Variants in EFCC1 observed in about 807,000 individuals in gnomAD.
EFCC1 encodes EF-hand and coiled-coil domain-containing protein 1.
In EFCC1, 50 loss-of-function variants were observed where a neutral mutation model predicts 52.1. The observed-to-expected ratio is 0.96, with a 90% CI of 0.76 to 1.21. The LOEUF is 1.21. Among genes scored for constraint, EFCC1 ranks in the 50% most tolerant of loss-of-function variants. The pLI, the probability that EFCC1 is intolerant of heterozygous loss-of-function variation, is 0.00. For synonymous variants in EFCC1, 399 were observed against 396.5 expected, an observed-to-expected ratio of 1.01 and a Z score of -0.08; for missense variants, 837 against 867.3, an observed-to-expected ratio of 0.97 and a Z score of 0.44.
intron 2 of EFCC1, among the ~76,000 whole-genome samples, chr3:129,018,636 T>C (rs1344494298): frequency 6.6e-6 from 1 of 152,142 alleles, no homozygotes; most frequent in African/African-American, 2.4e-5. Flanking sequence ...TGACCAGCAA[T>C]TCCAACCTTG....
At chr3:129,021,005 T>A (rs1469677905) in intron 2 of EFCC1, among the ~76,000 whole-genome samples, 1 of 152,172 alleles carries the variant, frequency 6.6e-6, no homozygotes, top group Non-Finnish European at 1.5e-5. Flanking sequence ...ACAGGGCATC[T>A]CCTTGGGAGC....
chr3:129,033,083 C>G, intron 4 of EFCC1, 117 bp downstream of exon 4: 1 of 1,367,574 alleles, frequency 7.3e-7, no homozygotes, highest in African/African-American at 1.5e-5. Context: ...AGCCCCTCTG[C>G]GACTCTGTCC....
intron 1 of EFCC1, 83 bp downstream of exon 1, chr3:129,002,407 G>C: frequency 6.9e-7 from 1 of 1,442,256 alleles, no homozygotes. Flanking sequence ...AGCCCGACAG[G>C]ACAGAGTCAG....
At position 129,001,600 on chromosome 3, in the gene EFCC1, A is replaced by ACGT. The variant is rs1178341835; in HGVS notation, c.-28_-27insGTC. 4.4e-6 allele frequency: 6 copies of ACGT among 1,354,292 alleles called. No individual in the cohort carries two copies. The East Asian group carries it at 1.8e-4, about 41-fold the overall frequency. The allele number at this position is 1,354,292 out of a possible 1,614,324, so 83.9% of individuals were successfully genotyped here. On this transcript the variant is annotated 5_prime_UTR_variant, in exon 1 of 8. Transcript: ENST00000683648. ...GCGGGGCGAAGGGACCGGAGGAGGG[A>ACGT]CCGGAGGAGCGAGGCGCGCGGCGCA...
At chr3:129,025,055 G>C (rs1012046852) in intron 2 of EFCC1, among the ~76,000 whole-genome samples, 3 of 152,150 alleles carry the variant, frequency 2.0e-5, no homozygotes, top group African/African-American at 7.2e-5. Flanking sequence ...GGTGGCATGA[G>C]AGGCTGTGAG....
Position 129,003,927 on chromosome 3 carries a change from GC to G in EFCC1, c.832del (p.Gln278ArgfsTer61). ...GCCCGCGCTGGGCGGCTGCGCCGTG[GC>G]CAGGCCGAGGTGCGGCGGCGCGCGG... ...AEARAGRLRR[G>X]QAEVRRRAEE... On this transcript the variant is annotated frameshift_variant, in exon 2 of 8. Transcript: ENST00000683648. LOFTEE classifies it high-confidence loss of function. 7.3e-7 allele frequency: 1 copy of G among 1,374,732 alleles called. No homozygotes were observed. Among genetic ancestry groups the G allele is most frequent in the Admixed American group, 3.3e-5 (1 of 30,386 alleles). 85.2% of individuals were successfully genotyped at this position (1,374,732 alleles called of 1,614,324 possible).
At position 129,003,941 on chromosome 3, in the gene EFCC1, C is replaced by CGGCGGCGCGCGGAGGA. The variant is rs1944932660; in HGVS notation, c.848_863dup (p.Arg289AlafsTer65). On this transcript the variant is annotated frameshift_variant, in exon 2 of 8. Coordinates refer to ENST00000683648, the MANE Select transcript of EFCC1 (RefSeq NM_001377500.1). LOFTEE classifies it high-confidence loss of function. ...GCTGCGCCGTGGCCAGGCCGAGGTG[C>CGGCGGCGCGCGGAGGA]GGCGGCGCGCGGAGGAGGCCCGGCA... 7.1e-7 allele frequency: 1 copy of CGGCGGCGCGCGGAGGA among 1,402,198 alleles called. No homozygotes were observed. Among genetic ancestry groups the CGGCGGCGCGCGGAGGA allele is most frequent in the Non-Finnish European group, 9.2e-7 (1 of 1,082,054 alleles). 86.9% of individuals were successfully genotyped at this position (1,402,198 alleles called of 1,614,324 possible).
chr3:129,031,795 TCTCAA>T (rs1369794952), intron 3 of EFCC1, among the ~76,000 whole-genome samples: 1 of 152,196 alleles, frequency 6.6e-6, no homozygotes, highest in Non-Finnish European at 1.5e-5. Flanking sequence ...GGCCTGGTCC[TCTCAA>T]CTCCCAAGCC....
At chr3:129,038,391 C>G (rs1447518607) in intron 6 of EFCC1, among the ~76,000 whole-genome samples, 1 of 152,220 alleles carries the variant, frequency 6.6e-6, no homozygotes, top group Non-Finnish European at 1.5e-5. Context: ...GCCATGCAGC[C>G]TCACGGTAGA....
intron 2 of EFCC1, among the ~76,000 whole-genome samples, chr3:129,017,428 C>T (rs1945634944): frequency 6.6e-6 from 1 of 152,242 alleles, no homozygotes; most frequent in Admixed American, 6.5e-5. Context: ...GCGGGCGTGG[C>T]GGGCTTCTCT....
intron 4 of EFCC1, among the ~76,000 whole-genome samples, chr3:129,033,229 G>A (rs1238876596): frequency 6.6e-6 from 1 of 152,188 alleles, no homozygotes; most frequent in African/African-American, 2.4e-5. Flanking sequence ...TGGAGCTCTT[G>A]TAGCACTCCC....
chr3:129,018,688 G>A (rs1414717414), intron 2 of EFCC1, among the ~76,000 whole-genome samples: 1 of 152,220 alleles, frequency 6.6e-6, no homozygotes, highest in African/African-American at 2.4e-5. Context: ...GGCAGGGGCA[G>A]GGATGGACTC....
At chr3:129,023,192 T>C (rs1455113482) in intron 2 of EFCC1, among the ~76,000 whole-genome samples, 1 of 152,232 alleles carries the variant, frequency 6.6e-6, no homozygotes, top group African/African-American at 2.4e-5. Flanking sequence ...GAGCTCAGCC[T>C]GCTATTTGTT....
rs1345134615 is a variant in EFCC1, at chr3:129,001,886, G to A, written c.258G>A (p.Leu86=). Residue 86 remains leucine (L), a synonymous_variant, in exon 1 of 8, where the codon CTG becomes CTA. Transcript: ENST00000683648. The part of the protein sequence containing the change: ...RADFRALCAV[L]GLRAEGATTA... Reference sequence around the variant, plus strand: ...ACTTCCGAGCGCTCTGCGCTGTGCTGGGGCTGCGCGCGGAGGGGGCCACCA... The same window carrying A: ...ACTTCCGAGCGCTCTGCGCTGTGCTAGGGCTGCGCGCGGAGGGGGCCACCA... 1.2e-5 allele frequency: 18 copies of A among 1,540,398 alleles called. No individual in the cohort carries two copies. Among genetic ancestry groups the A allele is most frequent in the Non-Finnish European group, 1.6e-5 (18 of 1,142,346 alleles).
At chr3:129,020,386 C>A (rs1326287241) in intron 2 of EFCC1, among the ~76,000 whole-genome samples, 1 of 152,154 alleles carries the variant, frequency 6.6e-6, no homozygotes, top group Non-Finnish European at 1.5e-5. Context: ...CCTGTAATCC[C>A]AGCATTTTGG....
rs747147519 is a variant in EFCC1 at position 129,030,855 on chromosome 3, A to T, written c.1133A>T (p.Asp378Val). 1.9e-6 allele frequency: 3 copies of T among 1,550,820 alleles called. No individual in the cohort carries two copies. The South Asian group carries it at 3.6e-5, about 18-fold the overall frequency. The change falls in exon 3 of 8, where the codon GAT becomes GTT. Residue 378 changes from aspartate to valine, a missense_variant. By Grantham distance (152) the Asp-to-Val change is radical (BLOSUM62 -3). Coordinates refer to ENST00000683648, the MANE Select transcript of EFCC1 (RefSeq NM_001377500.1). Reference protein sequence around the residue: ...SDSSSGSRALDEAVDEQLFRS... With the variant: ...SDSSSGSRALVEAVDEQLFRS... ...AGCAGCTCTGGAAGCAGAGCCCTGGATGAAGGTTTGTCCCCTGTGCGCCCA... is the reference window on the plus strand; with the variant it reads ...AGCAGCTCTGGAAGCAGAGCCCTGGTTGAAGGTTTGTCCCCTGTGCGCCCA...
intron 2 of EFCC1, among the ~76,000 whole-genome samples, chr3:129,007,525 C>A (rs1347539027): frequency 1.3e-5 from 2 of 152,236 alleles, no homozygotes; most frequent in East Asian, 1.9e-4. Flanking sequence ...AATGACCCAA[C>A]AAACACCTTT....
chr3:129,012,217 T>C lies in EFCC1; in HGVS notation c.980+8140T>C, dbSNP rs1039413075. Among the ~76,000 whole-genome samples the C allele has an allele frequency of 2.0e-5, 3 of 152,266 alleles. No individual in the cohort carries two copies. In the East Asian group the frequency reaches 5.8e-4, roughly 29 times the overall value. On this transcript the variant is annotated intron_variant, in intron 2 of 7. Coordinates refer to ENST00000683648, the MANE Select transcript of EFCC1 (RefSeq NM_001377500.1). ...TTGCTTGTGCCTCAGTTTTCTCATC[T>C]GGAGAATAGGTTAGTTTTAGTACCT...
intron 2 of EFCC1, among the ~76,000 whole-genome samples, chr3:129,026,299 G>C (rs1322610678): frequency 1.3e-5 from 2 of 152,182 alleles, no homozygotes; most frequent in East Asian, 3.8e-4. Context: ...CAGGCCCCTG[G>C]GGGTAAAAGC....
Sources: allele counts gnomAD v4.1 joint callset (sites outside exome capture counted in the v4.1 genomes callset), GRCh38; gene constraint gnomAD v4.1.1; transcripts MANE v1.5; gene names NCBI Gene and HGNC (gene_info 2026-07-23, HGNC 2026-07-21).